Variants in GHR observed in about 807,000 individuals in gnomAD.
GHR encodes the protein GH receptor.
Under a neutral mutation model 67.1 loss-of-function variants are expected in GHR, and 35 were observed. The ratio of observed to expected loss-of-function variants is 0.52; its 90% confidence interval spans 0.40 to 0.69. The LOEUF is 0.69. Ranked by LOEUF, GHR falls within the 30% of genes least tolerant of loss-of-function variation. The probability of loss-of-function intolerance (pLI) is 0.00; values close to 1 mark genes in which losing one functional copy is unlikely to be tolerated. For missense variants in GHR, 792 were observed against 764.6 expected (o/e 1.04, Z -0.42); for synonymous variants, 272 against 269.1 (o/e 1.01, Z -0.10).
intron 2 of GHR, among the ~76,000 whole-genome samples, chr5:42,597,446 C>A (rs1752131129): frequency 6.6e-6 from 1 of 151,972 alleles, no homozygotes; most frequent in South Asian, 2.1e-4. Context: ...AACCAGTGCC[C>A]ATAGGTGGAT....
intron 1 of GHR, among the ~76,000 whole-genome samples, chr5:42,454,046 T>C (rs1053301937): frequency 6.6e-6 from 1 of 152,192 alleles, no homozygotes; most frequent in African/African-American, 2.4e-5. Context: ...GAGAGCCAGA[T>C]TGCAGTGACT....
chr5:42,711,130 G>A, intron 6 of GHR, 77 bp from the exon 7 acceptor site: 1 of 1,017,004 alleles, frequency 9.8e-7, no homozygotes, highest in Non-Finnish European at 1.6e-6. Context: ...GAATAAAAAT[G>A]GGAGAATACC....
chr5:42,563,126 C>G (rs745347068), intron 1 of GHR, among the ~76,000 whole-genome samples: 2 of 152,154 alleles, frequency 1.3e-5, no homozygotes, highest in Non-Finnish European at 2.9e-5. Flanking sequence ...TGCAGCCTTC[C>G]GAGAAATGCA....
intron 2 of GHR, among the ~76,000 whole-genome samples, chr5:42,614,559 ATTTTTTTTTTTTTTT>A (rs553365880): frequency 8.4e-4 from 55 of 65,412 alleles, no homozygotes; most frequent in African/African-American, 3.3e-3. Flanking sequence ...CATAGAGGAC[ATTTTTTTTTTTTTTT>A]TTTTTTTTTT....
intron 3 of GHR, among the ~76,000 whole-genome samples, chr5:42,665,290 C>G (rs1395391758): frequency 6.6e-6 from 1 of 152,206 alleles, no homozygotes; most frequent in East Asian, 1.9e-4. Flanking sequence ...TATAAAGACA[C>G]ATGCACACTA....
chr5:42,518,414 G>T (rs908411137), intron 1 of GHR, among the ~76,000 whole-genome samples: 1 of 152,120 alleles, frequency 6.6e-6, no homozygotes, highest in African/African-American at 2.4e-5. Flanking sequence ...GAAGACATAT[G>T]CAAAAAGAAT....
chr5:42,566,084 T>A, intron 2 of GHR, 140 bp downstream of exon 2: 2 of 958,588 alleles, frequency 2.1e-6, no homozygotes, highest in Non-Finnish European at 3.3e-6. Context: ...GACTTAGCTT[T>A]AAAATCAGAA....
chr5:42,610,249 C>A (rs1386846093), intron 2 of GHR, among the ~76,000 whole-genome samples: 1 of 152,160 alleles, frequency 6.6e-6, no homozygotes, highest in African/African-American at 2.4e-5. Flanking sequence ...TCCTCCTTGG[C>A]AAACACACCA....
intron 2 of GHR, among the ~76,000 whole-genome samples, chr5:42,622,394 A>T (rs1347861668): frequency 6.6e-6 from 1 of 152,208 alleles, no homozygotes; most frequent in East Asian, 1.9e-4. Flanking sequence ...GGTGATTCTG[A>T]CCAGAGCAAG....
intron 2 of GHR, among the ~76,000 whole-genome samples, chr5:42,571,394 G>T (rs1424334305): frequency 6.6e-6 from 1 of 152,212 alleles, no homozygotes; most frequent in Non-Finnish European, 1.5e-5. Context: ...CCTCCTCATT[G>T]TAGTCTCTGG....
intron 1 of GHR, among the ~76,000 whole-genome samples, chr5:42,516,018 A>AG (rs762994749): frequency 6.6e-6 from 1 of 152,314 alleles, no homozygotes; most frequent in African/African-American, 2.4e-5. Context: ...TAGTTTTTAG[A>AG]GGGGGCACAG....
intron 2 of GHR, among the ~76,000 whole-genome samples, chr5:42,571,675 A>G (rs1210046524): frequency 6.6e-6 from 1 of 152,122 alleles, no homozygotes; most frequent in African/African-American, 2.4e-5. Context: ...AATACTCAGA[A>G]CCCTGAATGT....
At position 42,718,981 on chromosome 5, in the gene GHR, G is replaced by C. The variant is rs556822630; in HGVS notation, c.1474G>C (p.Asp492His). 7 of 1,611,950 alleles carry C rather than the reference G, an allele frequency of 4.3e-6. No individual in the cohort carries two copies. In the African/African-American group the frequency reaches 9.3e-5, roughly 22 times the overall value. ...CATCGACTTTTATGCCCAGGTGAGC[G>C]ACATTACACCAGCAGGTAGTGTGGT... Reference protein sequence around the residue: ...SNIDFYAQVSDITPAGSVVLS... With the variant: ...SNIDFYAQVSHITPAGSVVLS... The change falls in exon 10 of 10, where the codon GAC becomes CAC. Residue 492 changes from aspartate (D) to histidine (H), a missense_variant. Transcript: ENST00000230882.
chr5:42,582,955 C>T (rs867763070), intron 2 of GHR, among the ~76,000 whole-genome samples: 3 of 152,258 alleles, frequency 2.0e-5, no homozygotes, highest in African/African-American at 2.4e-5. Flanking sequence ...TCCCTCATTG[C>T]TCCACGCCTG....
chr5:42,698,258 T>C (rs1482165243), intron 5 of GHR, among the ~76,000 whole-genome samples: 1 of 152,238 alleles, frequency 6.6e-6, no homozygotes, highest in Non-Finnish European at 1.5e-5. Context: ...GAGGTCATTG[T>C]TATGCCTGTA....
chr5:42,538,350 A>G (rs1748353093), intron 1 of GHR, among the ~76,000 whole-genome samples: 1 of 152,218 alleles, frequency 6.6e-6, no homozygotes, highest in African/African-American at 2.4e-5. Flanking sequence ...TCCTTTTAGC[A>G]GCTCTTGTAG....
intron 1 of GHR, among the ~76,000 whole-genome samples, chr5:42,503,115 G>A (rs551687121): frequency 6.6e-6 from 1 of 152,258 alleles, no homozygotes; most frequent in Admixed American, 6.5e-5. Context: ...CCAGGGTCAG[G>A]TATAGAGCTC....
At chr5:42,468,406 G>C (rs1310518139) in intron 1 of GHR, 2 of 1,168,292 alleles carry the variant, frequency 1.7e-6, no homozygotes, top group Non-Finnish European at 2.4e-6. Flanking sequence ...TGTTTCAAAA[G>C]CTTCTTCTTG....
At chr5:42,500,426 C>T (rs967743638) in intron 1 of GHR, among the ~76,000 whole-genome samples, 1 of 152,254 alleles carries the variant, frequency 6.6e-6, no homozygotes, top group Non-Finnish European at 1.5e-5. Flanking sequence ...TCAGCCTCCT[C>T]TATCTGTAAA....
Sources: allele counts gnomAD v4.1 joint callset (sites outside exome capture counted in the v4.1 genomes callset), GRCh38; gene constraint gnomAD v4.1.1; transcripts MANE v1.5; gene names NCBI Gene and HGNC (gene_info 2026-07-23, HGNC 2026-07-21).